Variants in RMDN2 observed in about 807,000 individuals in gnomAD.
The protein encoded by RMDN2 is regulator of microtubule dynamics protein 2.
Under a neutral mutation model 52.8 loss-of-function variants are expected in RMDN2, and 61 were observed. The observed-to-expected ratio is 1.16, with a 90% CI of 0.94 to 1.43. RMDN2 has a LOEUF of 1.43. Ranked by LOEUF, RMDN2 falls within the 40% of genes most tolerant of loss-of-function variation. The pLI, the probability that RMDN2 is intolerant of heterozygous loss-of-function variation, is 0.00. For missense variants in RMDN2, 592 were observed against 475.3 expected (o/e 1.25, Z -2.28); for synonymous variants, 180 against 153.1 (o/e 1.18, Z -1.30).
chr2:37,999,299 A>T (rs1179674654), intron 8 of RMDN2, among the ~76,000 whole-genome samples: 1 of 152,212 alleles, frequency 6.6e-6, no homozygotes, highest in Non-Finnish European at 1.5e-5. Context: ...CATCAATAAC[A>T]TGGAGATAAT....
intron 2 of RMDN2, chr2:37,952,317 C>A: frequency 2.1e-6 from 2 of 953,450 alleles, no homozygotes; most frequent in Non-Finnish European, 1.6e-6. Context: ...CAAAGCTTCA[C>A]TGCATTTTCT....
At chr2:37,950,380 A>AC in intron 2 of RMDN2, 1 of 1,476,000 alleles carries the variant, frequency 6.8e-7, no homozygotes, top group Non-Finnish European at 9.4e-7. Flanking sequence ...AAGGTGAGCT[A>AC]CAGAACAGTT....
chr2:38,058,745 A>C (rs918121542), intron 10 of RMDN2, among the ~76,000 whole-genome samples: 8 of 152,052 alleles, frequency 5.3e-5, no homozygotes, highest in Non-Finnish European at 1.2e-4. Flanking sequence ...CTACTCTAAG[A>C]AGCTTTCTTT....
chr2:38,009,182 C>T (rs558725112), intron 10 of RMDN2, among the ~76,000 whole-genome samples: 1 of 152,266 alleles, frequency 6.6e-6, no homozygotes, highest in African/African-American at 2.4e-5. Flanking sequence ...AATTACATGT[C>T]TTGGAGTTAG....
chr2:38,021,887 C>G (rs369370641), downstream of RMDN2, among the ~76,000 whole-genome samples: 1 of 152,210 alleles, frequency 6.6e-6, no homozygotes, highest in Non-Finnish European at 1.5e-5. Context: ...AAGCCAGTTA[C>G]CAGTACGAGT....
At chr2:38,061,178 C>G (rs1558596016) in intron 10 of RMDN2, among the ~76,000 whole-genome samples, 1 of 152,020 alleles carries the variant, frequency 6.6e-6, no homozygotes, top group Non-Finnish European at 1.5e-5. Flanking sequence ...GGAGGCAACA[C>G]CAAGGAGTGG....
intron 10 of RMDN2, among the ~76,000 whole-genome samples, chr2:38,055,965 C>T (rs1313405561): frequency 6.6e-6 from 1 of 152,122 alleles, no homozygotes; most frequent in Non-Finnish European, 1.5e-5. Context: ...ATTGGGTAGA[C>T]ATTAACAGTA....
chr2:37,950,694 A>G (rs1038311710), intron 2 of RMDN2: 7 of 1,176,530 alleles, frequency 5.9e-6, no homozygotes, highest in Non-Finnish European at 8.9e-6. Context: ...TAATAACTGG[A>G]TATCCTGGAC....
intron 10 of RMDN2, among the ~76,000 whole-genome samples, chr2:38,005,148 G>A (rs1229018208): frequency 9.2e-5 from 14 of 151,824 alleles, no homozygotes; most frequent in Admixed American, 9.2e-4. Context: ...GAATAGTGCT[G>A]CTATAAACAT....
chr2:37,952,060 G>T, intron 2 of RMDN2: 2 of 1,613,232 alleles, frequency 1.2e-6, no homozygotes, highest in Non-Finnish European at 1.7e-6. Flanking sequence ...CATAAAGCTG[G>T]ATTTTCTTCA....
chr2:38,022,301 C>G (rs1191231603), downstream of RMDN2, among the ~76,000 whole-genome samples: 4 of 152,344 alleles, frequency 2.6e-5, no homozygotes, highest in East Asian at 7.7e-4. Flanking sequence ...ATTATGCCTA[C>G]TCCAGGGAAT....
chr2:37,945,165 T>C (rs933916975), intron 2 of RMDN2, among the ~76,000 whole-genome samples: 1 of 152,190 alleles, frequency 6.6e-6, no homozygotes, highest in Admixed American at 6.5e-5. Context: ...AAGGTTAAGC[T>C]CTTCTCTACA....
chr2:37,971,885 C>A (rs866537897), intron 2 of RMDN2, among the ~76,000 whole-genome samples: 1 of 152,036 alleles, frequency 6.6e-6, no homozygotes, highest in South Asian at 2.1e-4. Context: ...TACAAAAATT[C>A]CTATTAGGCT....
chr2:37,970,287 A>G (rs1372277777), intron 2 of RMDN2, among the ~76,000 whole-genome samples: 1 of 152,130 alleles, frequency 6.6e-6, no homozygotes, highest in Non-Finnish European at 1.5e-5. Flanking sequence ...ATTGGAAAAA[A>G]AAATTTTTTT....
chr2:38,050,314 AC>A (rs1681511621), intron 10 of RMDN2, among the ~76,000 whole-genome samples: 1 of 150,908 alleles, frequency 6.6e-6, no homozygotes, highest in South Asian at 2.1e-4. Flanking sequence ...CACCAATCTC[AC>A]CAGTGTACAC....
At chr2:37,964,921 G>A (rs761047326) in intron 2 of RMDN2, among the ~76,000 whole-genome samples, 1 of 152,122 alleles carries the variant, frequency 6.6e-6, no homozygotes, top group Non-Finnish European at 1.5e-5. Context: ...TAGGAAGGAT[G>A]ATGTTGAGTG....
intron 8 of RMDN2, 80 bp downstream of exon 8, chr2:37,997,594 C>G (rs752617739): frequency 8.8e-5 from 83 of 944,668 alleles, no homozygotes; most frequent in Non-Finnish European, 1.3e-4. Flanking sequence ...TCAAGGAAAT[C>G]TTTTCTCCAT....
rs111428114 is a variant in RMDN2, at chr2:37,978,207, G to T, written c.730+2893G>T. ...TGGTGATGCGTGCCTGCAATCGCAG[G>T]TACTTGGCAGGCTGAGGCAGGAGAA... On this transcript the variant is annotated intron_variant, in intron 4 of 10. Transcript: ENST00000354545. Among the ~76,000 whole-genome samples the T allele has an allele frequency of 8.8e-3, 1,335 of 151,998 alleles. 14 individuals carry two copies. The highest frequency in any genetic ancestry group is 0.03 in the African/African-American group (1,261 of 41,432).
intron 2 of RMDN2, among the ~76,000 whole-genome samples, chr2:37,944,654 G>A (rs536661079): frequency 3.3e-4 from 50 of 152,320 alleles, no homozygotes; most frequent in African/African-American, 1.2e-3. Flanking sequence ...TTGCTGGGTA[G>A]TGATAAGTAC....
Sources: allele counts gnomAD v4.1 joint callset (sites outside exome capture counted in the v4.1 genomes callset), GRCh38; gene constraint gnomAD v4.1.1; transcripts MANE v1.5; gene names NCBI Gene and HGNC (gene_info 2026-07-23, HGNC 2026-07-21).